Variants in NCAM1 observed in about 807,000 individuals in gnomAD.
NCAM1 encodes neural cell adhesion molecule 1, also known as antigen recognized by monoclonal antibody 5.1H11.
Under a neutral mutation model 109.8 loss-of-function variants are expected in NCAM1, and 14 were observed. The ratio of observed to expected loss-of-function variants is 0.13; its 90% CI spans 0.08 to 0.20. The LOEUF (loss-of-function observed/expected upper bound fraction) is 0.20. NCAM1 is among the 10% of genes least tolerant of loss of function. The probability of loss-of-function intolerance (pLI) is 1.00; values close to 1 mark genes in which losing one functional copy is unlikely to be tolerated. For synonymous variants in NCAM1, 418 were observed against 442.9 expected, an observed-to-expected ratio of 0.94 and a Z score of 0.70; for missense variants, 774 against 1,109.9, an observed-to-expected ratio of 0.70 and a Z score of 4.30.
At chr11:113,235,809 C>T (rs782027528) in intron 14 of NCAM1, among the ~76,000 whole-genome samples, 5 of 152,146 alleles carry the variant, frequency 3.3e-5, no homozygotes, top group Non-Finnish European at 5.9e-5. Flanking sequence ...TTTCCTCGGC[C>T]ATTCCCTCTT....
At position 113,232,278 on chromosome 11, in the gene NCAM1, G is replaced by A. The variant is rs782218605; in HGVS notation, c.1349G>A (p.Arg450Gln). 21 of 1,613,760 alleles carry A rather than the reference G, an allele frequency of 1.3e-5. No individual in the cohort carries two copies. The highest frequency in any genetic ancestry group is 1.7e-5 in the Non-Finnish European group (20 of 1,179,868). The change falls in exon 11 of 20, where the codon CGG (arginine) becomes CAG (glutamine). Residue 450 changes from arginine to glutamine, a missense_variant. By Grantham distance (43) the Arg-to-Gln change is conservative (BLOSUM62 1). Around this residue, in one of 4 missense-constraint regions of NCAM1, gnomAD observed 523 missense variants for 784.2 expected, o/e 0.67. Coordinates refer to ENST00000316851, the MANE Select transcript of NCAM1 (RefSeq NM_181351.5). Reference protein sequence around the residue: ...AYPSATISWFRDGQLLPSSNY... With the variant: ...AYPSATISWFQDGQLLPSSNY... ...CCCAGTGCCACGATCTCATGGTTTCGGGATGGCCAGCTGCTGCCAAGCTCC... is the reference window on the plus strand; with the variant it reads ...CCCAGTGCCACGATCTCATGGTTTCAGGATGGCCAGCTGCTGCCAAGCTCC...
At chr11:113,052,286 G>T (rs1036908333) in intron 1 of NCAM1, among the ~76,000 whole-genome samples, 25 of 152,214 alleles carry the variant, frequency 1.6e-4, no homozygotes, top group African/African-American at 6.0e-4. Flanking sequence ...AATAGACAAA[G>T]GACTTTTCTT....
At chr11:112,998,777 C>G (rs548312408) in intron 1 of NCAM1, among the ~76,000 whole-genome samples, 1 of 152,142 alleles carries the variant, frequency 6.6e-6, no homozygotes. Context: ...ACGATTTAAT[C>G]GTGTGTGCCC....
chr11:113,266,239 G>GT (rs1555124390), intron 17 of NCAM1, among the ~76,000 whole-genome samples: 1 of 152,218 alleles, frequency 6.6e-6, no homozygotes. Context: ...GAGGGAATGG[G>GT]TGTTGGCTTT....
chr11:113,243,795 G>A, intron 14 of NCAM1: 2 of 267,048 alleles, frequency 7.5e-6, no homozygotes, highest in South Asian at 7.4e-5. Context: ...AAGCAGGTAT[G>A]CAAAGTATAA....
At chr11:113,267,156 G>A (rs1166679021) in intron 17 of NCAM1, among the ~76,000 whole-genome samples, 2 of 152,088 alleles carry the variant, frequency 1.3e-5, no homozygotes, top group African/African-American at 2.4e-5. Flanking sequence ...TCTTCCTTCT[G>A]GTTATAACAC....
At chr11:113,009,312 GTTTTTTTTTTTTTTT>G (rs781818836) in intron 1 of NCAM1, among the ~76,000 whole-genome samples, 1 of 79,656 alleles carries the variant, frequency 1.3e-5, no homozygotes, top group Non-Finnish European at 2.4e-5. Context: ...GTTTTTTCGG[GTTTTTTTTTTTTTTT>G]TTTTTTTTTT....
At chr11:113,037,632 C>T (rs569828263) in intron 1 of NCAM1, among the ~76,000 whole-genome samples, 15 of 152,252 alleles carry the variant, frequency 9.9e-5, no homozygotes, top group African/African-American at 3.4e-4. Context: ...TCTAATGCAC[C>T]CAGACTTACA....
intron 14 of NCAM1, among the ~76,000 whole-genome samples, chr11:113,239,159 G>T (rs1945255901): frequency 2.6e-5 from 4 of 152,224 alleles, no homozygotes; most frequent in Admixed American, 6.5e-5. Context: ...GTTCCTTTGT[G>T]TGTAGTTCAT....
At chr11:113,237,610 G>A (rs1945202253) in intron 14 of NCAM1, among the ~76,000 whole-genome samples, 1 of 152,124 alleles carries the variant, frequency 6.6e-6, no homozygotes, top group Non-Finnish European at 1.5e-5. Context: ...CCTTCCTTCT[G>A]GATCTTCCCC....
rs1462533911 is a variant in NCAM1 at position 113,277,198 on chromosome 11, GCTGCCT to G, written c.*1815_*1820del. On this transcript the variant is annotated 3_prime_UTR_variant, in exon 20 of 20. Transcript: ENST00000316851. ...AGCAGCAAGAGGTTAGGGTGGCAAGGCTGCCTCTGGGTCCATTCTGTGGGCCACTCT... is the reference window on the plus strand; with the variant it reads ...AGCAGCAAGAGGTTAGGGTGGCAAGGCTGGGTCCATTCTGTGGGCCACTCT... 1 of 397,154 alleles carries G rather than the reference GCTGCCT, an allele frequency of 2.5e-6. No homozygotes were observed. Among genetic ancestry groups the G allele is most frequent in the Non-Finnish European group, 4.4e-6 (1 of 225,472 alleles). The allele number at this position is 397,154 out of a possible 1,614,324, so 24.6% of individuals were successfully genotyped here.
intron 1 of NCAM1, among the ~76,000 whole-genome samples, chr11:113,092,424 A>G (rs1326108969): frequency 1.3e-5 from 2 of 152,124 alleles, no homozygotes; most frequent in Non-Finnish European, 2.9e-5. Context: ...AATCATTGCA[A>G]CAACTCTGGA....
intron 14 of NCAM1, among the ~76,000 whole-genome samples, chr11:113,242,278 A>G (rs974125053): frequency 1.2e-4 from 18 of 152,240 alleles, no homozygotes; most frequent in African/African-American, 4.1e-4. Flanking sequence ...TTTGTCAGCA[A>G]AATCTCTGAT....
At chr11:113,168,406 G>A (rs574971520) in intron 1 of NCAM1, among the ~76,000 whole-genome samples, 2 of 152,092 alleles carry the variant, frequency 1.3e-5, no homozygotes, top group South Asian at 2.1e-4. Flanking sequence ...ATGTCTGGTC[G>A]TGGCAGCCTC....
chr11:113,231,051 T>G, intron 9 of NCAM1: 1 of 754,848 alleles, frequency 1.3e-6, no homozygotes, highest in Non-Finnish European at 2.1e-6. Flanking sequence ...TCACTTCCAG[T>G]GCAGTGGCTC....
intron 1 of NCAM1, among the ~76,000 whole-genome samples, chr11:113,071,868 G>C (rs1455985459): frequency 8.5e-5 from 13 of 152,166 alleles, no homozygotes; most frequent in African/African-American, 2.9e-4. Context: ...TTGCCAGTTA[G>C]ACACCGTGGC....
chr11:113,070,019 G>A (rs75398346), intron 1 of NCAM1, among the ~76,000 whole-genome samples: 2 of 152,176 alleles, frequency 1.3e-5, no homozygotes, highest in Non-Finnish European at 2.9e-5. Context: ...CTCTGGGTTG[G>A]AGATGTGAAT....
At chr11:113,002,157 T>G (rs1555072573) in intron 1 of NCAM1, among the ~76,000 whole-genome samples, 1 of 152,166 alleles carries the variant, frequency 6.6e-6, no homozygotes, top group Non-Finnish European at 1.5e-5. Flanking sequence ...CAACCTCACC[T>G]TAATCTCATG....
intron 8 of NCAM1, among the ~76,000 whole-genome samples, chr11:113,220,598 C>CTTTTT (rs1565508438): frequency 6.6e-5 from 7 of 105,654 alleles, no homozygotes; most frequent in African/African-American, 3.6e-4. Context: ...CTCTCTCTCT[C>CTTTTT]TCTCTTTTTT....
Sources: gnomAD v4.1 joint callset for allele counts (sites outside exome capture counted in the v4.1 genomes callset) on GRCh38, gnomAD v4.1.1 for gene constraint, gnomAD v4.1.1 regional missense constraint, MANE v1.5 for transcripts, NCBI Gene and HGNC (gene_info 2026-07-23, HGNC 2026-07-21) for gene names.